Variants in CLK4 observed in about 807,000 individuals in gnomAD.
CLK4 encodes dual specificity protein kinase CLK4.
In CLK4, 37 loss-of-function variants were observed where a neutral mutation model predicts 64.4. That is an observed-to-expected ratio of 0.57 (90% CI 0.44 to 0.76). The LOEUF is 0.76. Among genes scored for constraint, CLK4 ranks in the 30% least tolerant of loss-of-function variants. The pLI, the probability that CLK4 is intolerant of heterozygous loss-of-function variation, is 0.00. For synonymous variants in CLK4, 175 were observed against 191.6 expected (o/e 0.91, Z 0.72); for missense variants, 457 against 605.1 (o/e 0.76, Z 2.57).
At chr5:178,619,408 TTTCTAGCC>T (rs1764673687) in intron 2 of CLK4, among the ~76,000 whole-genome samples, 1 of 152,248 alleles carries the variant, frequency 6.6e-6, no homozygotes, top group Non-Finnish European at 1.5e-5. Flanking sequence ...ACTCTTTGCA[TTTCTAGCC>T]TTGTTATTCC....
intron 2 of CLK4, 165 bp downstream of exon 2, chr5:178,623,091 G>T: frequency 1.5e-6 from 1 of 654,050 alleles, no homozygotes. Flanking sequence ...TTTATTTACA[G>T]CTGTAGCCTC....
chr5:178,625,049 G>C (rs1764759859), intron 1 of CLK4, among the ~76,000 whole-genome samples: 1 of 150,512 alleles, frequency 6.6e-6, no homozygotes, highest in South Asian at 2.2e-4. Context: ...TCTTGTTAGC[G>C]TCTCAATGGA....
chr5:178,605,247 G>T, intron 11 of CLK4, 56 bp downstream of exon 11: 3 of 1,059,396 alleles, frequency 2.8e-6, no homozygotes, highest in Non-Finnish European at 4.0e-6. Flanking sequence ...GTTTTCTGTA[G>T]TTTGAATATA....
intron 11 of CLK4, 43 bp downstream of exon 11, chr5:178,605,260 C>T (rs1263211436): frequency 8.5e-7 from 1 of 1,177,382 alleles, no homozygotes; most frequent in Non-Finnish European, 1.2e-6. Context: ...TGAATATATG[C>T]TATTGCACAT....
At chr5:178,611,473 A>T (rs1347228790) in intron 9 of CLK4, among the ~76,000 whole-genome samples, 2 of 152,190 alleles carry the variant, frequency 1.3e-5, no homozygotes, top group African/African-American at 4.8e-5. Flanking sequence ...TGGCCCCACT[A>T]CAAGGTAGTC....
chr5:178,608,973 G>A (rs1764505704), intron 9 of CLK4, among the ~76,000 whole-genome samples: 1 of 152,162 alleles, frequency 6.6e-6, no homozygotes, highest in Non-Finnish European at 1.5e-5. Context: ...TGTATAAAAG[G>A]TATAATGGGA....
At chr5:178,620,039 G>A (rs1764684834) in intron 2 of CLK4, 1 of 363,126 alleles carries the variant, frequency 2.8e-6, no homozygotes, top group Non-Finnish European at 5.8e-6. Context: ...TTTTTCCCAG[G>A]GGGCTGGTTT....
At chr5:178,622,473 G>A in intron 2 of CLK4, 1 of 979,494 alleles carries the variant, frequency 1.0e-6, no homozygotes, top group South Asian at 4.7e-5. Context: ...CACAAAACGA[G>A]AAAACAGAAC....
At chr5:178,626,318 C>T (rs1764778837) in intron 1 of CLK4, among the ~76,000 whole-genome samples, 1 of 152,186 alleles carries the variant, frequency 6.6e-6, no homozygotes, top group African/African-American at 2.4e-5. Context: ...TGCAAAACCA[C>T]CAGAAACGCA....
chr5:178,622,989 C>T (rs899127230), intron 2 of CLK4: 1 of 371,712 alleles, frequency 2.7e-6, no homozygotes, highest in African/African-American at 2.1e-5. Flanking sequence ...TGGGACTCAC[C>T]ATGTTATTTA....
intron 5 of CLK4, 39 bp from the exon 6 acceptor site, chr5:178,613,882 A>C: frequency 6.8e-7 from 1 of 1,469,098 alleles, no homozygotes; most frequent in Non-Finnish European, 9.5e-7. Context: ...TAAATGTACA[A>C]GAGTGAGCTG....
chr5:178,615,986 A>G (rs947099386), intron 5 of CLK4, among the ~76,000 whole-genome samples: 2 of 152,244 alleles, frequency 1.3e-5, no homozygotes, highest in African/African-American at 4.8e-5. Flanking sequence ...TCTTATATAC[A>G]GGGTCAAGGG....
At chr5:178,609,737 ATATAT>A (rs1562127462) in intron 9 of CLK4, among the ~76,000 whole-genome samples, 4 of 34,804 alleles carry the variant, frequency 1.1e-4, no homozygotes, top group African/African-American at 4.8e-4. Flanking sequence ...ATTTTAAAAT[ATATAT>A]ATATATATAT....
rs1764732918 is a variant in CLK4 at position 178,623,273 on chromosome 5, C to G, written c.144G>C (p.Gln48His). Reference sequence around the variant, plus strand: ...TAATTTACCAATCAGATTCTTTAAACTGGTGATGTGGTTTACAATGCCTGT... The same window carrying G: ...TAATTTACCAATCAGATTCTTTAAAGTGGTGATGTGGTTTACAATGCCTGT... ...QENRHCKPHH[Q>H]FKESDCHYLE... The change falls in exon 2 of 13, where the codon CAG becomes CAC. Residue 48 changes from glutamine (Q) to histidine (H), a missense_variant. Physicochemically the swap from Gln to His is conservative, Grantham distance 24. Transcript: ENST00000316308. 6.2e-7 allele frequency: 1 copy of G among 1,613,430 alleles called. No individual in the cohort carries two copies. The highest frequency in any genetic ancestry group is 8.5e-7 in the Non-Finnish European group (1 of 1,179,768).
chr5:178,605,549 C>CTTAACCAAAA (rs1764455349), intron 10 of CLK4, among the ~76,000 whole-genome samples, 167 bp from the exon 11 acceptor site: 1 of 152,192 alleles, frequency 6.6e-6, no homozygotes, highest in South Asian at 2.1e-4. Context: ...TAATCAGCTG[C>CTTAACCAAAA]TTAACCAAAA....
At chr5:178,607,136 A>T (rs926000816) in intron 10 of CLK4, among the ~76,000 whole-genome samples, 22 of 151,630 alleles carry the variant, frequency 1.5e-4, no homozygotes, top group Admixed American at 1.1e-3. Context: ...AAAAAAAAAA[A>T]GCAGGAGGGA....
In CLK4 at chr5:178,603,348, A is replaced by G. The variant is rs1029800169; in HGVS notation, c.*269T>C. ...CCATGTACAAAAGGCAAGATCAATCACATTTATCACTGGACACAAAGGATA... is the reference window on the plus strand; with the variant it reads ...CCATGTACAAAAGGCAAGATCAATCGCATTTATCACTGGACACAAAGGATA... On this transcript the variant is annotated 3_prime_UTR_variant, in exon 13 of 13. Coordinates refer to ENST00000316308, the MANE Select transcript of CLK4 (RefSeq NM_020666.3). 2.9e-5 allele frequency: 6 copies of G among 209,590 alleles called. No individual in the cohort carries two copies. The highest frequency in any genetic ancestry group is 5.7e-5 in the Admixed American group (1 of 17,476). The allele number at this position is 209,590 out of a possible 1,614,324, so 13.0% of individuals were successfully genotyped here. A position where few individuals can be genotyped will look rare whatever the true frequency, so the allele number is the denominator to read the frequency against.
intron 11 of CLK4, chr5:178,604,439 CTT>C (rs1562125881): frequency 7.8e-6 from 1 of 128,318 alleles, no homozygotes; most frequent in Non-Finnish European, 1.6e-5. Context: ...CAAACGTAAA[CTT>C]GAGTTAAAAA....
At chr5:178,620,094 A>C (rs922534397) in intron 2 of CLK4, 1 of 312,046 alleles carries the variant, frequency 3.2e-6, no homozygotes, top group Non-Finnish European at 6.6e-6. Context: ...CAATAGGGCT[A>C]GCATCAAATC....
Sources: gnomAD v4.1 joint callset for allele counts (sites outside exome capture counted in the v4.1 genomes callset) on GRCh38, gnomAD v4.1.1 for gene constraint, MANE v1.5 for transcripts, NCBI Gene and HGNC (gene_info 2026-07-23, HGNC 2026-07-21) for gene names.